Variants in ACSM3 observed in about 807,000 individuals in gnomAD.
The protein encoded by ACSM3 is acyl-coenzyme A synthetase ACSM3, mitochondrial.
In ACSM3, 61 loss-of-function variants were observed where a neutral mutation model predicts 74.1. The observed-to-expected ratio is 0.82, with a 90% CI of 0.67 to 1.02. ACSM3 has a LOEUF of 1.02. Ranked by LOEUF, ACSM3 falls within the 50% of genes least tolerant of loss-of-function variation. The pLI is 0.00. For synonymous variants in ACSM3, 213 were observed against 241.5 expected, an observed-to-expected ratio of 0.88 and a Z score of 1.09; for missense variants, 660 against 697.0, an observed-to-expected ratio of 0.95 and a Z score of 0.60.
At chr16:20,795,150 C>T (rs543366868) in intron 12 of ACSM3, among the ~76,000 whole-genome samples, 66 of 152,100 alleles carry the variant, frequency 4.3e-4, no homozygotes, top group Admixed American at 1.2e-3. Context: ...TCACAACTGC[C>T]GCATGGCACA....
chr16:20,792,148 T>C lies in ACSM3; in HGVS notation c.1454+19T>C, dbSNP rs774965818. The stretch of plus-strand genomic sequence containing the variant: ...CCTCTGGGTAACTTTCTTTTCCATA[T>C]GTGCATATGTCTGTGTTAACTGATC... On this transcript the variant is annotated intron_variant, in intron 11 of 13. Coordinates refer to ENST00000289416, the MANE Select transcript of ACSM3 (RefSeq NM_005622.4). The C allele has an allele frequency of 6.2e-7, 1 of 1,614,154 alleles. No homozygotes were observed.
intron 1 of ACSM3, chr16:20,737,802 C>G: frequency 6.2e-7 from 1 of 1,613,812 alleles, no homozygotes; most frequent in Non-Finnish European, 8.5e-7. Context: ...GAGCTTTAAA[C>G]CAGGGTTCCA....
At chr16:20,780,602 A>G (rs1406220382) in intron 4 of ACSM3, 112 bp from the exon 5 acceptor site, 1 of 1,606,226 alleles carries the variant, frequency 6.2e-7, no homozygotes, top group Non-Finnish European at 8.5e-7. Flanking sequence ...AGCCACTGGC[A>G]CCTGATTCAT....
At chr16:20,675,916 A>T (rs1319386387) in intron 1 of ACSM3, among the ~76,000 whole-genome samples, 2 of 152,220 alleles carry the variant, frequency 1.3e-5, no homozygotes, top group Non-Finnish European at 2.9e-5. Flanking sequence ...CCAAAAGTGA[A>T]AAGTGAAAGC....
chr16:20,781,169 A>T (rs373702963), intron 6 of ACSM3, 39 bp downstream of exon 6: 63 of 1,606,736 alleles, frequency 3.9e-5, no homozygotes, highest in Non-Finnish European at 5.3e-5. Context: ...TTAGAAATGC[A>T]TTAAGCAGTA....
At chr16:20,743,530 G>C (rs540795499) in intron 1 of ACSM3, 1 of 152,214 alleles carries the variant, frequency 6.6e-6, no homozygotes, top group South Asian at 2.1e-4. Context: ...AAACCTCTTA[G>C]CAGATTTGAG....
At chr16:20,716,763 G>A (rs1466792324) in intron 1 of ACSM3, among the ~76,000 whole-genome samples, 2 of 152,082 alleles carry the variant, frequency 1.3e-5, no homozygotes, top group African/African-American at 2.4e-5. Flanking sequence ...GCATACCAGC[G>A]TTGGCCCCCT....
At chr16:20,746,249 CT>C (rs1424146072) in intron 1 of ACSM3, among the ~76,000 whole-genome samples, 8 of 152,318 alleles carry the variant, frequency 5.3e-5, no homozygotes, top group Non-Finnish European at 7.3e-5. Context: ...TTAAAAACAG[CT>C]GCTTTCAGAC....
At position 20,797,307 on chromosome 16, in the gene ACSM3, T is replaced by C. The variant is rs2080741263; in HGVS notation, c.*335T>C. On this transcript the variant is annotated 3_prime_UTR_variant, in exon 14 of 14. Coordinates refer to ENST00000289416, the MANE Select transcript of ACSM3 (RefSeq NM_005622.4). Reference sequence around the variant, plus strand: ...CTTTAGTTGACTAATTCTTCTGATATGTTGATATACAAATCAGAACCAATG... The same window carrying C: ...CTTTAGTTGACTAATTCTTCTGATACGTTGATATACAAATCAGAACCAATG... 2.9e-6 allele frequency: 3 copies of C among 1,034,206 alleles called. No homozygotes were observed. The highest frequency in any genetic ancestry group is 1.7e-5 in the African/African-American group (1 of 58,518). The allele number at this position is 1,034,206 out of a possible 1,614,324, so 64.1% of individuals were successfully genotyped here.
intron 1 of ACSM3, chr16:20,721,626 C>T (rs2079785911): frequency 6.6e-6 from 1 of 152,152 alleles, no homozygotes; most frequent in Non-Finnish European, 1.5e-5. Context: ...GACTTTCCTA[C>T]TGCCTCTAAG....
At chr16:20,755,149 A>G (rs540318009) in intron 2 of ACSM3, among the ~76,000 whole-genome samples, 1 of 152,298 alleles carries the variant, frequency 6.6e-6, no homozygotes, top group East Asian at 1.9e-4. Flanking sequence ...ACCTGGCAAT[A>G]ATGAGGTGGT....
intron 2 of ACSM3, among the ~76,000 whole-genome samples, chr16:20,774,077 T>G (rs1263261944): frequency 6.6e-6 from 1 of 152,192 alleles, no homozygotes; most frequent in East Asian, 1.9e-4. Context: ...TTATATCCTC[T>G]TGCTGAATTG....
chr16:20,736,083 T>A (rs1035400865), intron 1 of ACSM3: 1 of 152,252 alleles, frequency 6.6e-6, no homozygotes, highest in South Asian at 2.1e-4. Flanking sequence ...TGTGATTTAT[T>A]GTTACAATTG....
chr16:20,712,462 TGAG>T (rs2079746912), intron 1 of ACSM3, among the ~76,000 whole-genome samples: 1 of 152,168 alleles, frequency 6.6e-6, no homozygotes, highest in Non-Finnish European at 1.5e-5. Context: ...ATATGTAAAA[TGAG>T]GATAATTATA....
intron 1 of ACSM3, chr16:20,741,481 G>GGGGGGGGGGGCCCCCCCCCC: frequency 7.6e-7 from 1 of 1,308,404 alleles, no homozygotes; most frequent in Non-Finnish European, 9.9e-7. Context: ...CTGGCAGCCG[G>GGGGGGGGGGGCCCCCCCCCC]CCCGCCCGCC....
intron 7 of ACSM3, among the ~76,000 whole-genome samples, chr16:20,784,317 G>T (rs1031342113): frequency 1.3e-5 from 2 of 152,076 alleles, no homozygotes; most frequent in African/African-American, 4.8e-5. Context: ...TATCCATATA[G>T]GGCTAGCATA....
chr16:20,739,597 G>C (rs1328652886), intron 1 of ACSM3, among the ~76,000 whole-genome samples: 10 of 152,042 alleles, frequency 6.6e-5, no homozygotes, highest in Non-Finnish European at 1.5e-5. Flanking sequence ...GAGGCAAGCA[G>C]ATCACCTGAG....
At chr16:20,783,331 G>C (rs2152471516) in intron 7 of ACSM3, 1 of 152,290 alleles carries the variant, frequency 6.6e-6, no homozygotes, top group South Asian at 2.1e-4. Flanking sequence ...ACTCAGTACA[G>C]GTTGAGTATC....
chr16:20,754,039 C>T (rs922475859), intron 2 of ACSM3, among the ~76,000 whole-genome samples: 6 of 152,140 alleles, frequency 3.9e-5, no homozygotes, highest in Non-Finnish European at 7.3e-5. Flanking sequence ...AGGTGACCCA[C>T]GCTAGGACCT....
Sources: allele counts gnomAD v4.1 joint callset (sites outside exome capture counted in the v4.1 genomes callset), GRCh38; gene constraint gnomAD v4.1.1; transcripts MANE v1.5; gene names NCBI Gene and HGNC (gene_info 2026-07-23, HGNC 2026-07-21).